Variants in RAB11FIP4 observed in about 807,000 individuals in gnomAD.
RAB11FIP4 encodes the protein rab11 family-interacting protein 4.
Under a neutral mutation model 74.3 loss-of-function variants are expected in RAB11FIP4, and 23 were observed. The ratio of observed to expected loss-of-function variants is 0.31; its 90% CI spans 0.22 to 0.44. The LOEUF is 0.44. Among genes scored for constraint, RAB11FIP4 ranks in the 20% least tolerant of loss-of-function variants. The probability of loss-of-function intolerance (pLI) is 1.00; values close to 1 mark genes in which losing one functional copy is unlikely to be tolerated. For synonymous variants in RAB11FIP4, 360 were observed against 359.9 expected, an observed-to-expected ratio of 1.00 and a Z score of 0.00; for missense variants, 630 against 863.9, an observed-to-expected ratio of 0.73 and a Z score of 3.39.
intron 1 of RAB11FIP4, among the ~76,000 whole-genome samples, chr17:31,408,885 G>A (rs147537946): frequency 1.3e-5 from 2 of 152,196 alleles, no homozygotes; most frequent in Admixed American, 6.5e-5. Context: ...GGCACAAGAG[G>A]TGGCCTAATA....
chr17:31,464,044 C>T (rs1036626928), intron 3 of RAB11FIP4, among the ~76,000 whole-genome samples: 1 of 151,838 alleles, frequency 6.6e-6, no homozygotes, highest in Non-Finnish European at 1.5e-5. Flanking sequence ...GAACTCCCAA[C>T]CTCAGGTCAT....
intron 3 of RAB11FIP4, among the ~76,000 whole-genome samples, chr17:31,502,343 C>G (rs1376632861): frequency 1.3e-5 from 2 of 151,976 alleles, no homozygotes; most frequent in Non-Finnish European, 2.9e-5. Flanking sequence ...CTTTGGGAAG[C>G]TGAGGTAGGT....
At chr17:31,520,094 CAAAAAAAAAA>C (rs10612669) in intron 4 of RAB11FIP4, among the ~76,000 whole-genome samples, 2 of 91,766 alleles carry the variant, frequency 2.2e-5, no homozygotes, top group East Asian at 2.5e-4. Context: ...ACTCTGTCTC[CAAAAAAAAAA>C]AAAAAAAAAA....
chr17:31,417,065 A>C (rs2071154898), intron 1 of RAB11FIP4, among the ~76,000 whole-genome samples: 1 of 127,250 alleles, frequency 7.9e-6, no homozygotes, highest in African/African-American at 3.1e-5. Context: ...GTTTGCCAGC[A>C]TTGCCCCCTC....
intron 3 of RAB11FIP4, among the ~76,000 whole-genome samples, chr17:31,480,512 G>A (rs893949349): frequency 3.3e-5 from 5 of 152,116 alleles, no homozygotes; most frequent in Admixed American, 6.5e-5. Flanking sequence ...CCCCCTGGCC[G>A]GGTGCGGTGG....
At chr17:31,405,643 C>T (rs555669260) in intron 1 of RAB11FIP4, among the ~76,000 whole-genome samples, 41 of 152,198 alleles carry the variant, frequency 2.7e-4, no homozygotes, top group African/African-American at 8.7e-4. Flanking sequence ...AAAGTGCTAC[C>T]GCACCCAGCC....
intron 3 of RAB11FIP4, among the ~76,000 whole-genome samples, chr17:31,493,918 C>CACACACGTGTGTGT (rs780216617): frequency 2.6e-5 from 4 of 152,112 alleles, no homozygotes; most frequent in African/African-American, 9.7e-5. Context: ...TGTGTGTGTG[C>CACACACGTGTGTGT]ACACACGTGT....
intron 3 of RAB11FIP4, among the ~76,000 whole-genome samples, chr17:31,438,694 G>T (rs1299787275): frequency 6.6e-6 from 1 of 151,998 alleles, no homozygotes; most frequent in Non-Finnish European, 1.5e-5. Context: ...CCTAAAACTG[G>T]CGATACCAAA....
chr17:31,398,114 T>C (rs1410472018), intron 1 of RAB11FIP4, among the ~76,000 whole-genome samples: 1 of 151,936 alleles, frequency 6.6e-6, no homozygotes, highest in Non-Finnish European at 1.5e-5. Context: ...CAGTGGCTCG[T>C]TGCAACCTCC....
rs535375916 is a variant in RAB11FIP4 at position 31,467,614 on chromosome 17, T to G, written c.336+33492T>G. Among the ~76,000 whole-genome samples, 542 of 152,240 alleles carry G rather than the reference T, an allele frequency of 3.6e-3. 5 individuals are homozygous for G. Among genetic ancestry groups the G allele is most frequent in the African/African-American group, 0.012 (501 of 41,538 alleles). ...CAGAATGGGCTTTGTGAGCACATTCTGAAACTCTCCACCTGGGGAGAGAGT... is the reference window on the plus strand; with the variant it reads ...CAGAATGGGCTTTGTGAGCACATTCGGAAACTCTCCACCTGGGGAGAGAGT... On this transcript the variant is annotated intron_variant, in intron 3 of 14. Coordinates refer to ENST00000621161, the MANE Select transcript of RAB11FIP4 (RefSeq NM_032932.6).
At chr17:31,472,725 C>T (rs1567667346) in intron 3 of RAB11FIP4, among the ~76,000 whole-genome samples, 2 of 152,034 alleles carry the variant, frequency 1.3e-5, no homozygotes, top group East Asian at 1.9e-4. Flanking sequence ...TGACGTGAGC[C>T]GAGCCAGACA....
At chr17:31,446,549 C>T (rs1227006667) in intron 3 of RAB11FIP4, among the ~76,000 whole-genome samples, 1 of 152,028 alleles carries the variant, frequency 6.6e-6, no homozygotes, top group East Asian at 1.9e-4. Flanking sequence ...TTATACATGA[C>T]CAGGCCACAT....
intron 3 of RAB11FIP4, among the ~76,000 whole-genome samples, chr17:31,491,171 C>T (rs776937805): frequency 5.9e-5 from 9 of 152,234 alleles, no homozygotes; most frequent in Non-Finnish European, 1.3e-4. Flanking sequence ...CGATCTTTGC[C>T]CCTGAATGGT....
intron 3 of RAB11FIP4, chr17:31,488,318 C>A: frequency 9.1e-7 from 1 of 1,095,914 alleles, no homozygotes; most frequent in Non-Finnish European, 1.1e-6. Flanking sequence ...TCCGGCGGCG[C>A]GCACCTGGCT....
intron 3 of RAB11FIP4, among the ~76,000 whole-genome samples, chr17:31,478,063 G>A (rs888098213): frequency 6.6e-6 from 1 of 150,670 alleles, no homozygotes; most frequent in Non-Finnish European, 1.5e-5. Flanking sequence ...CTAGATCTCG[G>A]CTCACTGCAA....
Position 31,522,794 on chromosome 17 carries a change from T to C in RAB11FIP4, c.929+399T>C, listed in dbSNP as rs1005873183. The C allele has an allele frequency of 1.8e-5, 4 of 219,218 alleles. No individual in the cohort carries two copies. The South Asian group carries it at 2.9e-4, about 16-fold the overall frequency. 13.6% of individuals were successfully genotyped at this position (219,218 alleles called of 1,614,324 possible). A position where few individuals can be genotyped will look rare whatever the true frequency, so the allele number is the denominator to read the frequency against. On this transcript the variant is annotated intron_variant, in intron 7 of 14. Coordinates refer to ENST00000621161, the MANE Select transcript of RAB11FIP4 (RefSeq NM_032932.6). ...CATGAGTGTGCGCCATTGGGGCTGG[T>C]CACTTTGCTCCGATTAAGTCCTGCG...
At chr17:31,436,637 G>A (rs995561312) in intron 3 of RAB11FIP4, among the ~76,000 whole-genome samples, 9 of 152,130 alleles carry the variant, frequency 5.9e-5, no homozygotes, top group Non-Finnish European at 1.5e-5. Flanking sequence ...TAGAGGTTAT[G>A]GGAAAGCAGA....
At chr17:31,392,750 G>A (rs977711371) in intron 1 of RAB11FIP4, 2 of 152,364 alleles carry the variant, frequency 1.3e-5, no homozygotes, top group African/African-American at 4.8e-5. Context: ...GGTGGACGGA[G>A]TCATATCACT....
At position 31,434,017 on chromosome 17, in the gene RAB11FIP4, T is replaced by C. The variant is rs779859134; in HGVS notation, c.248-17T>C. 2 of 1,571,484 alleles carry C rather than the reference T, an allele frequency of 1.3e-6. No homozygotes were observed. Among genetic ancestry groups the C allele is most frequent in the South Asian group, 2.3e-5 (2 of 86,206 alleles). On this transcript the variant is annotated splice_polypyrimidine_tract_variant and intron_variant, in intron 2 of 14. Coordinates refer to ENST00000621161, the MANE Select transcript of RAB11FIP4 (RefSeq NM_032932.6). ...GCTCAACCCCTCACTGTCCCGTGTG[T>C]CTGCCTGTCTGCGCAGGGTGCGAGG...
Sources: allele counts gnomAD v4.1 joint callset (sites outside exome capture counted in the v4.1 genomes callset), GRCh38; gene constraint gnomAD v4.1.1; transcripts MANE v1.5; gene names NCBI Gene and HGNC (gene_info 2026-07-23, HGNC 2026-07-21).